The following ASZ1 variants were observed in gnomAD, a reference collection of about 807,000 sequenced individuals.
The protein encoded by ASZ1 is ankyrin repeat, SAM and basic leucine zipper domain containing 1, also known as ankyrin repeat, SAM and basic leucine zipper domain-containing protein 1.
ASZ1 carries 67 observed loss-of-function variants against 61.8 expected under a neutral mutation model. The ratio of observed to expected loss-of-function variants is 1.08; its 90% CI spans 0.89 to 1.33. ASZ1 has a LOEUF of 1.33. Among genes scored for constraint, ASZ1 ranks in the 40% most tolerant of loss-of-function variants. The pLI, the probability that ASZ1 is intolerant of heterozygous loss-of-function variation, is 0.00. For synonymous variants in ASZ1, 193 were observed against 192.7 expected (o/e 1.00, Z -0.01); for missense variants, 577 against 554.5 (o/e 1.04, Z -0.41).
intron 4 of ASZ1, among the ~76,000 whole-genome samples, chr7:117,393,102 C>A (rs771829681): frequency 1.3e-5 from 2 of 152,050 alleles, no homozygotes; most frequent in Non-Finnish European, 2.9e-5. Flanking sequence ...CCAGCTCAGT[C>A]TCCCAAAGTG....
At chr7:117,373,083 T>C (rs1796077329) in intron 10 of ASZ1, among the ~76,000 whole-genome samples, 1 of 152,124 alleles carries the variant, frequency 6.6e-6, no homozygotes, top group Non-Finnish European at 1.5e-5. Context: ...TTGATGGACA[T>C]AGTTTTGAGA....
intron 4 of ASZ1, among the ~76,000 whole-genome samples, chr7:117,405,646 G>A (rs566517091): frequency 4.6e-5 from 7 of 152,270 alleles, no homozygotes; most frequent in African/African-American, 1.4e-4. Context: ...TTCCCTGATC[G>A]CATCATCTTG....
Position 117,427,439 on chromosome 7 carries a change from C to G in ASZ1, c.22G>C (p.Gly8Arg), listed in dbSNP as rs772263660. The change falls in exon 1 of 13, where the codon GGC becomes CGC. Residue 8 changes from glycine to arginine, a missense_variant. Transcript: ENST00000284629. ...TCGCCTCCGCCAGCCACTGGCAGGCCTCGCAGCGCGCTCGCCGCCATGCCA... is the reference window on the plus strand; with the variant it reads ...TCGCCTCCGCCAGCCACTGGCAGGCGTCGCAGCGCGCTCGCCGCCATGCCA... Reference protein sequence around the residue: MAASALRGLPVAGGGESS... With the variant: MAASALRRLPVAGGGESS... 1.2e-6 allele frequency: 2 copies of G among 1,613,958 alleles called. No homozygotes were observed. The highest frequency in any genetic ancestry group is 3.3e-5 in the Admixed American group (2 of 60,028).
intron 4 of ASZ1, among the ~76,000 whole-genome samples, chr7:117,389,597 T>C (rs556396954): frequency 1.3e-5 from 2 of 152,238 alleles, no homozygotes; most frequent in South Asian, 4.1e-4. Flanking sequence ...ACAGTTAACC[T>C]ACCACTACCA....
intron 2 of ASZ1, among the ~76,000 whole-genome samples, chr7:117,425,376 C>T (rs946840924): frequency 3.4e-5 from 5 of 149,186 alleles, no homozygotes; most frequent in Non-Finnish European, 5.9e-5. Context: ...CGCCATTCTC[C>T]TGCCTCAGCC....
At chr7:117,380,499 A>G (rs928796874) in intron 9 of ASZ1, among the ~76,000 whole-genome samples, 2 of 151,822 alleles carry the variant, frequency 1.3e-5, no homozygotes, top group Admixed American at 6.6e-5. Flanking sequence ...TTTTAGTGAT[A>G]TTAAAAATGT....
chr7:117,407,901 A>G (rs1393326796), intron 4 of ASZ1, among the ~76,000 whole-genome samples: 2 of 152,218 alleles, frequency 1.3e-5, no homozygotes, highest in Non-Finnish European at 2.9e-5. Flanking sequence ...GTAGATGACG[A>G]ACGGGCAGTT....
intron 1 of ASZ1, 56 bp downstream of exon 1, chr7:117,427,300 C>CG (rs992744183): frequency 6.3e-7 from 1 of 1,578,300 alleles, no homozygotes; most frequent in African/African-American, 1.3e-5. Flanking sequence ...GCCTCGCCTT[C>CG]GAGGGCCAGG....
intron 10 of ASZ1, among the ~76,000 whole-genome samples, chr7:117,370,774 TA>T (rs1269097202): frequency 6.7e-6 from 1 of 150,054 alleles, no homozygotes; most frequent in African/African-American, 2.5e-5. Context: ...AAAAATACAA[TA>T]AAAATTACTA....
chr7:117,376,399 A>G (rs899705916), intron 10 of ASZ1, among the ~76,000 whole-genome samples: 2 of 152,152 alleles, frequency 1.3e-5, no homozygotes, highest in East Asian at 1.9e-4. Context: ...AATTCTACAC[A>G]ATCTCTTACA....
At chr7:117,372,816 C>T (rs967388636) in intron 10 of ASZ1, among the ~76,000 whole-genome samples, 2 of 152,234 alleles carry the variant, frequency 1.3e-5, no homozygotes, top group East Asian at 3.9e-4. Flanking sequence ...ATATATATAA[C>T]TGACATTGTG....
At chr7:117,394,079 A>C (rs530907322) in intron 4 of ASZ1, among the ~76,000 whole-genome samples, 1 of 152,150 alleles carries the variant, frequency 6.6e-6, no homozygotes, top group Non-Finnish European at 1.5e-5. Flanking sequence ...ATTTAATACA[A>C]ATTTATCATA....
intron 4 of ASZ1, among the ~76,000 whole-genome samples, chr7:117,412,519 G>A (rs779894775): frequency 2.4e-4 from 36 of 151,820 alleles, no homozygotes; most frequent in Admixed American, 3.9e-4. Flanking sequence ...TATGTTCTGA[G>A]AAAGTAGGCA....
At chr7:117,381,941 CT>C (rs1440481515) in intron 8 of ASZ1, 127 bp downstream of exon 8, 18 of 634,490 alleles carry the variant, frequency 2.8e-5, no homozygotes, top group Non-Finnish European at 4.8e-5. Flanking sequence ...TTGGGATGTA[CT>C]ACAAATTATG....
intron 4 of ASZ1, among the ~76,000 whole-genome samples, chr7:117,406,836 A>G (rs1006364029): frequency 9.2e-5 from 14 of 152,136 alleles, no homozygotes; most frequent in African/African-American, 3.1e-4. Context: ...AAATGAGGTT[A>G]AAATATTCTA....
intron 4 of ASZ1, among the ~76,000 whole-genome samples, chr7:117,416,368 G>T (rs779797251): frequency 6.6e-6 from 1 of 152,084 alleles, no homozygotes; most frequent in Admixed American, 6.5e-5. Context: ...ATGAAATCTT[G>T]TTAACAACTT....
chr7:117,400,804 C>T (rs1458147110), intron 4 of ASZ1, among the ~76,000 whole-genome samples: 1 of 152,112 alleles, frequency 6.6e-6, no homozygotes, highest in African/African-American at 2.4e-5. Flanking sequence ...GGGAGAGTGG[C>T]TCAGATAAAC....
At chr7:117,381,776 A>T (rs915951602) in intron 8 of ASZ1, among the ~76,000 whole-genome samples, 25 of 152,186 alleles carry the variant, frequency 1.6e-4, no homozygotes, top group Non-Finnish European at 2.6e-4. Flanking sequence ...CTCTTCCAAT[A>T]TTCTACTCAA....
At position 117,384,835 on chromosome 7, in the gene ASZ1, C is replaced by A; in HGVS notation, c.578G>T (p.Gly193Val). ...YTALTWAARQ[G>V]HKNIVLKLLE... ...CAACTTCAAAACTATATTTTTATGA[C>A]CCTGACGTGCTGCCCACGTTAAAGC... Residue 193 changes from glycine to valine, a missense_variant, in exon 6 of 13, where the codon GGT becomes GTT. Coordinates refer to ENST00000284629, the MANE Select transcript of ASZ1 (RefSeq NM_130768.3). 6.2e-7 allele frequency: 1 copy of A among 1,603,624 alleles called. No homozygotes were observed. The highest frequency in any genetic ancestry group is 1.1e-5 in the South Asian group (1 of 88,842).
Sources: allele counts gnomAD v4.1 joint callset (sites outside exome capture counted in the v4.1 genomes callset), GRCh38; gene constraint gnomAD v4.1.1; transcripts MANE v1.5; gene names NCBI Gene and HGNC (gene_info 2026-07-23, HGNC 2026-07-21).